The following AQP4 variants were observed in gnomAD, a reference collection of about 807,000 sequenced individuals.
AQP4 encodes the protein aquaporin-4.
In AQP4, 18 loss-of-function variants were observed where a neutral mutation model predicts 27.8. The observed-to-expected ratio is 0.65, with a 90% CI of 0.45 to 0.96. AQP4 has a LOEUF of 0.96. AQP4 is among the 40% of genes least tolerant of loss of function. The probability of loss-of-function intolerance (pLI) is 0.00; values close to 1 mark genes in which losing one functional copy is unlikely to be tolerated. For missense variants in AQP4, 412 were observed against 408.2 expected (o/e 1.01, Z -0.08); for synonymous variants, 141 against 142.9 (o/e 0.99, Z 0.10).
At position 26,855,893 on chromosome 18, in the gene AQP4, T is replaced by A; in HGVS notation, c.*318A>T. Reference sequence around the variant, plus strand: ...TAAGCTGATAGACGTGTCTTTGAGTTCTGTCAGGCAAGACTTAACCAAATC... The same window carrying A: ...TAAGCTGATAGACGTGTCTTTGAGTACTGTCAGGCAAGACTTAACCAAATC... On this transcript the variant is annotated 3_prime_UTR_variant, in exon 5 of 5. Coordinates refer to ENST00000383168, the MANE Select transcript of AQP4 (RefSeq NM_001650.7). 2.8e-6 allele frequency: 1 copy of A among 356,798 alleles called. No homozygotes were observed. The highest frequency in any genetic ancestry group is 5.3e-6 in the Non-Finnish European group (1 of 188,958). 22.1% of individuals were successfully genotyped at this position (356,798 alleles called of 1,614,324 possible). A position where few individuals can be genotyped will look rare whatever the true frequency, so the allele number is the denominator to read the frequency against.
chr18:26,865,360 G>A, intron 1 of AQP4: 1 of 513,068 alleles, frequency 1.9e-6, no homozygotes. Flanking sequence ...TGAGCGTCTG[G>A]GTGAGTAATT....
rs747485548 is a variant in AQP4 at position 26,856,274 on chromosome 18, G to A, written c.909C>T (p.Asp303=). The change falls in exon 5 of 5, where the codon GAC becomes GAT. Residue 303 remains aspartate, a synonymous_variant. Coordinates refer to ENST00000383168, the MANE Select transcript of AQP4 (RefSeq NM_001650.7). The stretch of plus-strand genomic sequence containing the variant: ...CCTTCTTCTCCTCTCCCCGGTCAAC[G>A]TCAATCACATGCACCACTCCAGGTT... ...ILKPGVVHVI[D]VDRGEEKKGK... 9 of 1,614,008 alleles carry A rather than the reference G, an allele frequency of 5.6e-6. No individual in the cohort carries two copies. Among genetic ancestry groups the A allele is most frequent in the Middle Eastern group, 1.6e-4 (1 of 6,084 alleles).
At position 26,862,273 on chromosome 18, in the gene AQP4, ATGT is replaced by A; in HGVS notation, c.353_355del (p.Tyr118_Ile119delinsPhe). The A allele has an allele frequency of 6.2e-7, 1 of 1,614,194 alleles. No individual in the cohort carries two copies. On this transcript the variant is annotated inframe_deletion, in exon 2 of 5. Transcript: ENST00000383168. ...GATGGCCCCCAGGCACTGGGCTGCG[ATGT>A]AGAAGACAGACTTGGCGATGCTGAT...
chr18:26,865,602 G>T, intron 1 of AQP4, 56 bp downstream of exon 1: 2 of 1,607,496 alleles, frequency 1.2e-6, no homozygotes, highest in Non-Finnish European at 1.7e-6. Context: ...TAATAAAAGA[G>T]ACAGTTTCAT....
At chr18:26,857,597 A>T (rs1423990418) in intron 4 of AQP4, among the ~76,000 whole-genome samples, 1 of 152,106 alleles carries the variant, frequency 6.6e-6, no homozygotes, top group Non-Finnish European at 1.5e-5. Flanking sequence ...AAGTGCTGGG[A>T]TTACAGGTGT....
chr18:26,856,504 G>C lies in AQP4; in HGVS notation c.694-15C>G, dbSNP rs2054847702. The stretch of plus-strand genomic sequence containing the variant: ...ACCCAATATATCTAAGGAAAAGATG[G>C]AAGAGGATAGAGTGTAAGTAGAGAA... On this transcript the variant is annotated splice_polypyrimidine_tract_variant and intron_variant, in intron 4 of 4. Coordinates refer to ENST00000383168, the MANE Select transcript of AQP4 (RefSeq NM_001650.7). The C allele has an allele frequency of 6.2e-7, 1 of 1,613,518 alleles. No homozygotes were observed. Among genetic ancestry groups the C allele is most frequent in the African/African-American group, 1.3e-5 (1 of 74,922 alleles).
Position 26,862,999 on chromosome 18 carries a change from G to GGA in AQP4, c.33-404_33-403insTC, listed in dbSNP as rs1555661801. ...AAGCATTAAAACAAGGTGTGCGTGG[G>GGA]GGGGGGGGGTCGTCTTTTCTAGCTT... is the stretch of plus-strand genomic sequence containing the variant. On this transcript the variant is annotated intron_variant, in intron 1 of 4. Coordinates refer to ENST00000383168, the MANE Select transcript of AQP4 (RefSeq NM_001650.7). 2 of 176,874 alleles carry GGA rather than the reference G, an allele frequency of 1.1e-5. 1 individual carries two copies. Among genetic ancestry groups the GGA allele is most frequent in the African/African-American group, 5.5e-5 (2 of 36,394 alleles). 11.0% of individuals were successfully genotyped at this position (176,874 alleles called of 1,614,324 possible).
chr18:26,861,039 G>A (rs1598515010), intron 3 of AQP4, 92 bp downstream of exon 3: 1 of 1,497,738 alleles, frequency 6.7e-7, no homozygotes, highest in South Asian at 1.1e-5. Context: ...GGATACTAAA[G>A]AGCTACTGCT....
intron 4 of AQP4, among the ~76,000 whole-genome samples, chr18:26,857,293 T>C (rs566860350): frequency 6.0e-5 from 9 of 150,596 alleles, no homozygotes; most frequent in African/African-American, 1.7e-4. Flanking sequence ...AGCAATTCCA[T>C]AGGATTTCAA....
At position 26,861,271 on chromosome 18, in the gene AQP4, G is replaced by C. The variant is rs1424794479; in HGVS notation, c.472C>G (p.His158Asp). 6.2e-7 allele frequency: 1 copy of C among 1,614,022 alleles called. No individual in the cohort carries two copies. The highest frequency in any genetic ancestry group is 1.1e-5 in the South Asian group (1 of 91,050). Residue 158 changes from histidine to aspartate, a missense_variant, in exon 3 of 5, where the codon CAT becomes GAT. His to Asp is a moderately conservative substitution (Grantham distance 81, BLOSUM62 -1). Coordinates refer to ENST00000383168, the MANE Select transcript of AQP4 (RefSeq NM_001650.7). Reference sequence around the variant, plus strand: ...ATTATCAACTCAACCAGGAGACCATGACCAGCGGTAAGATTTCCATGAACC... The same window carrying C: ...ATTATCAACTCAACCAGGAGACCATCACCAGCGGTAAGATTTCCATGAACC... ...TMVHGNLTAGHGLLVELIITF... is the reference protein window; with the variant it reads ...TMVHGNLTAGDGLLVELIITF...
chr18:26,862,421 T>C lies in AQP4; in HGVS notation c.208A>G (p.Met70Val). 6.2e-7 allele frequency: 1 copy of C among 1,614,208 alleles called. No homozygotes were observed. Among genetic ancestry groups the C allele is most frequent in the Non-Finnish European group, 8.5e-7 (1 of 1,180,036 alleles). Residue 70 changes from methionine to valine, a missense_variant, in exon 2 of 5, where the codon ATG becomes GTG. Physicochemically the swap from Met to Val is conservative, Grantham distance 21. Coordinates refer to ENST00000383168, the MANE Select transcript of AQP4 (RefSeq NM_001650.7). Reference sequence around the variant, plus strand: ...CCAAAGCAAAGGGAGATGAGAACCATGTCGACCGGTAAAGGCTTTTCTGTT... The same window carrying C: ...CCAAAGCAAAGGGAGATGAGAACCACGTCGACCGGTAAAGGCTTTTCTGTT... ...GGTEKPLPVD[M>V]VLISLCFGLS...
rs1353487321 is a variant in AQP4, at chr18:26,853,436, T to G, written c.*2775A>C. 6.6e-6 allele frequency: 1 copy of G among 152,274 alleles called. No individual in the cohort carries two copies. The highest frequency in any genetic ancestry group is 1.5e-5 in the Non-Finnish European group (1 of 68,064). 9.4% of individuals were successfully genotyped at this position (152,274 alleles called of 1,614,324 possible). ...GCTTAAAATAAGACTCTTTCCCTTT[T>G]GTACACTTTTGACAAACTATGTGCG... On this transcript the variant is annotated 3_prime_UTR_variant, in exon 5 of 5. Transcript: ENST00000383168.
chr18:26,859,419 G>T (rs564798091), intron 4 of AQP4, among the ~76,000 whole-genome samples: 55 of 152,304 alleles, frequency 3.6e-4, no homozygotes, highest in African/African-American at 1.3e-3. Flanking sequence ...TACTCGGGAG[G>T]CTGAGGTTGG....
At position 26,852,657 on chromosome 18, in the gene AQP4, G is replaced by A; in HGVS notation, c.*3554C>T. The A allele has an allele frequency of 2.5e-6, 1 of 394,260 alleles. No individual in the cohort carries two copies. The highest frequency in any genetic ancestry group is 3.6e-5 in the East Asian group (1 of 27,852). 24.4% of individuals were successfully genotyped at this position (394,260 alleles called of 1,614,324 possible). ...AGAGTACTAAACTCACAAAATTTGT[G>A]GTAACAAAAGAGAGTTTTGTTACAT... is the stretch of plus-strand genomic sequence containing the variant. On this transcript the variant is annotated 3_prime_UTR_variant, in exon 5 of 5. Coordinates refer to ENST00000383168, the MANE Select transcript of AQP4 (RefSeq NM_001650.7).
Position 26,862,301 on chromosome 18 carries a change from T to A in AQP4, c.328A>T (p.Ile110Phe), listed in dbSNP as rs1445177741. 1 of 1,614,214 alleles carries A rather than the reference T, an allele frequency of 6.2e-7. No individual in the cohort carries two copies. The highest frequency in any genetic ancestry group is 1.1e-5 in the South Asian group (1 of 91,090). The part of the protein sequence containing the change: ...VTVAMVCTRK[I>F]SIAKSVFYIA... ...TAGAAGACAGACTTGGCGATGCTGA[T>A]CTTCCTGGTGCACACCATGGCCACA... Residue 110 changes from isoleucine (I) to phenylalanine (F), a missense_variant, in exon 2 of 5, where the codon ATC becomes TTC. By Grantham distance (21) the Ile-to-Phe change is conservative (BLOSUM62 0). Coordinates refer to ENST00000383168, the MANE Select transcript of AQP4 (RefSeq NM_001650.7).
At chr18:26,856,597 C>A in intron 4 of AQP4, 108 bp from the exon 5 acceptor site, 1 of 1,296,318 alleles carries the variant, frequency 7.7e-7, no homozygotes, top group South Asian at 1.3e-5. Context: ...GTATTTGTGT[C>A]ATGCATCAAA....
intron 4 of AQP4, among the ~76,000 whole-genome samples, chr18:26,858,635 TGTTA>T (rs1170252674): frequency 3.3e-5 from 5 of 152,208 alleles, no homozygotes; most frequent in African/African-American, 4.8e-5. Context: ...CTTTGCTCTT[TGTTA>T]GTAAGGTCTC....
chr18:26,862,310 T>C lies in AQP4; in HGVS notation c.319A>G (p.Thr107Ala). ...GACTTGGCGATGCTGATCTTCCTGG[T>C]GCACACCATGGCCACAGTCACTGCA... ...NPAVTVAMVC[T>A]RKISIAKSVF... The change falls in exon 2 of 5, where the codon ACC (threonine) becomes GCC (alanine). Residue 107 changes from threonine (T) to alanine (A), a missense_variant. Thr to Ala is a moderately conservative substitution (Grantham distance 58). Transcript: ENST00000383168. 6.2e-7 allele frequency: 1 copy of C among 1,614,212 alleles called. No homozygotes were observed. Among genetic ancestry groups the C allele is most frequent in the South Asian group, 1.1e-5 (1 of 91,084 alleles).
chr18:26,856,704 T>G (rs1429808533), intron 4 of AQP4, among the ~76,000 whole-genome samples: 1 of 152,140 alleles, frequency 6.6e-6, no homozygotes, highest in African/African-American at 2.4e-5. Context: ...CAAAAAGAAC[T>G]GTTTCATCTC....
Sources: gnomAD v4.1 joint callset for allele counts (sites outside exome capture counted in the v4.1 genomes callset) on GRCh38, gnomAD v4.1.1 for gene constraint, MANE v1.5 for transcripts, NCBI Gene and HGNC (gene_info 2026-07-23, HGNC 2026-07-21) for gene names.